AGAP1: variants seen among roughly 807,000 people sequenced by gnomAD.
The protein encoded by AGAP1 is arf-GAP with GTPase, ANK repeat and PH domain-containing protein 1.
AGAP1 carries 29 observed loss-of-function variants against 105.3 expected under a neutral mutation model. The observed-to-expected ratio is 0.28, with a 90% CI of 0.21 to 0.38. The LOEUF is 0.38. AGAP1 is among the 10% of genes least tolerant of loss of function. AGAP1 has a pLI of 1.00. For synonymous variants in AGAP1, 509 were observed against 485.9 expected (o/e 1.05, Z -0.63); for missense variants, 998 against 1,165.1 (o/e 0.86, Z 2.09).
chr2:235,621,881 C>T lies in AGAP1; in HGVS notation c.164-87298C>T, dbSNP rs1001973735. 2.7e-5 allele frequency among the ~76,000 whole-genome samples: 4 copies of T among 148,284 alleles called. No homozygotes were observed. Among genetic ancestry groups the T allele is most frequent in the African/African-American group, 7.3e-5 (3 of 40,966 alleles). On this transcript the variant is annotated intron_variant, in intron 1 of 17. Transcript: ENST00000304032. The surrounding 1 kb of genome is among the most constrained non-coding windows in gnomAD (Gnocchi z 4.1). ...GGTAGGAGTGGAGGAGGGGTGCGAT[C>T]GGAAGGGAGTGCCGCGCAGACCCCC...
Position 235,843,986 on chromosome 2 carries a change from C to T in AGAP1, c.1050+36655C>T. On this transcript the variant is annotated intron_variant, in intron 9 of 17. Coordinates refer to ENST00000304032, the MANE Select transcript of AGAP1 (RefSeq NM_001037131.3). This position sits in a 1 kb window ranked among gnomAD's most constrained non-coding sequence, Gnocchi z 5.9. ...CAGGACCTTGCCCGCTGCCCCAGCT[C>T]AGAGCTTGAACCTCTCCCTCTTGGA... Among the ~76,000 whole-genome samples the T allele has an allele frequency of 6.6e-6, 1 of 152,202 alleles. No homozygotes were observed. The highest frequency in any genetic ancestry group is 1.5e-5 in the Non-Finnish European group (1 of 68,042).
At chr2:235,810,504 G>A (rs1958077296) in intron 9 of AGAP1, among the ~76,000 whole-genome samples, 1 of 152,160 alleles carries the variant, frequency 6.6e-6, no homozygotes. Flanking sequence ...TTAGGATCCA[G>A]GCAAGGCAGC....
At chr2:235,943,096 T>A (rs900157081) in intron 12 of AGAP1, among the ~76,000 whole-genome samples, 1 of 152,248 alleles carries the variant, frequency 6.6e-6, no homozygotes, top group Non-Finnish European at 1.5e-5. Flanking sequence ...GATTTTATAA[T>A]GTACATTTTG....
At position 235,671,028 on chromosome 2, in the gene AGAP1, C is replaced by T. The variant is rs1375353113; in HGVS notation, c.164-38151C>T. 3.1e-6 allele frequency: 4 copies of T among 1,300,288 alleles called. No homozygotes were observed. The African/African-American group carries it at 6.2e-5, about 20-fold the overall frequency. 80.5% of individuals were successfully genotyped at this position (1,300,288 alleles called of 1,614,324 possible). A position where few individuals can be genotyped will look rare whatever the true frequency, so the allele number is the denominator to read the frequency against. The stretch of plus-strand genomic sequence containing the variant: ...CCGGCCGAAGCGCACTCGTCCAGCG[C>T]CGAGAGCATCGACGGCTCCCCGCGC... On this transcript the variant is annotated intron_variant, in intron 1 of 17. Coordinates refer to ENST00000304032, the MANE Select transcript of AGAP1 (RefSeq NM_001037131.3).
rs544737648 is a variant in AGAP1 at position 236,076,953 on chromosome 2, CA to C, written c.2114+27683del. Among the ~76,000 whole-genome samples, 114 of 137,008 alleles carry C rather than the reference CA, an allele frequency of 8.3e-4. No individual in the cohort carries two copies. The highest frequency in any genetic ancestry group is 3.6e-3 in the Middle Eastern group (1 of 276). The allele number at this position is 137,008 out of a possible 152,430, so 89.9% of individuals were successfully genotyped here. On this transcript the variant is annotated intron_variant, in intron 16 of 17. Transcript: ENST00000304032. The surrounding 1 kb of genome is among the most constrained non-coding windows in gnomAD (Gnocchi z 4.4). Reference sequence around the variant, plus strand: ...AAACCCTGTCACTACAGAAAATACCCAAAAAAAAAAAGCCAGGCATGGTGGT... The same window carrying C: ...AAACCCTGTCACTACAGAAAATACCCAAAAAAAAAAGCCAGGCATGGTGGT...
intron 6 of AGAP1, among the ~76,000 whole-genome samples, chr2:235,755,724 A>T (rs1953871960): frequency 1.3e-5 from 2 of 152,222 alleles, no homozygotes; most frequent in South Asian, 4.1e-4. Context: ...TGCAGGCATG[A>T]CACACTGCAC....
rs966348226 is a variant in AGAP1, at chr2:235,955,273, G to A, written c.1484-13189G>A. The stretch of plus-strand genomic sequence containing the variant: ...CTTCCTTCTTGTACCCTGGGTGCGG[G>A]CCATCCTGAGGAGCGGGGACCTCTC... On this transcript the variant is annotated intron_variant, in intron 12 of 17. Coordinates refer to ENST00000304032, the MANE Select transcript of AGAP1 (RefSeq NM_001037131.3). Among the ~76,000 whole-genome samples, 5 of 152,214 alleles carry A rather than the reference G, an allele frequency of 3.3e-5. No homozygotes were observed. The East Asian group carries it at 9.7e-4, about 29-fold the overall frequency.
At chr2:235,649,915 G>C (rs1196812622) in intron 1 of AGAP1, among the ~76,000 whole-genome samples, 3 of 152,194 alleles carry the variant, frequency 2.0e-5, no homozygotes, top group Non-Finnish European at 4.4e-5. Context: ...TTTTATACCA[G>C]AGTAGTGGCT....
rs906970613 is a variant in AGAP1 at position 235,665,753 on chromosome 2, A to C, written c.164-43426A>C. ...GGGGTGGGCATGCTCAGGCCTGGGC[A>C]GTACCAGTGGTTGGCCAGTTTCTAC... On this transcript the variant is annotated intron_variant, in intron 1 of 17. Coordinates refer to ENST00000304032, the MANE Select transcript of AGAP1 (RefSeq NM_001037131.3). The surrounding 1 kb of genome is among the most constrained non-coding windows in gnomAD (Gnocchi z 5.3). Among the ~76,000 whole-genome samples the C allele has an allele frequency of 6.6e-6, 1 of 152,172 alleles. No homozygotes were observed. Among genetic ancestry groups the C allele is most frequent in the Non-Finnish European group, 1.5e-5 (1 of 68,022 alleles).
At chr2:236,093,557 A>G (rs184965327) in intron 16 of AGAP1, among the ~76,000 whole-genome samples, 430 of 152,332 alleles carry the variant, frequency 2.8e-3, no homozygotes, top group Non-Finnish European at 4.3e-3. Context: ...AAGAAAGACC[A>G]AAAAGAAGAG....
intron 1 of AGAP1, among the ~76,000 whole-genome samples, chr2:235,587,916 G>C (rs1240077117): frequency 6.6e-6 from 1 of 152,042 alleles, no homozygotes; most frequent in African/African-American, 2.4e-5. Flanking sequence ...CGGAAGGGAA[G>C]TCATCTGGCA....
intron 1 of AGAP1, among the ~76,000 whole-genome samples, chr2:235,531,998 T>A (rs1230205548): frequency 6.6e-6 from 1 of 152,278 alleles, no homozygotes; most frequent in Admixed American, 6.5e-5. Context: ...GACACTTGTT[T>A]AAGTTTTAGA....
At chr2:236,081,668 GTT>G (rs35088277) in intron 16 of AGAP1, among the ~76,000 whole-genome samples, 14 of 135,140 alleles carry the variant, frequency 1.0e-4, no homozygotes, top group South Asian at 2.4e-4. Context: ...AGTTCTGTGG[GTT>G]TTTTTTTTTT....
chr2:235,649,912 C>G (rs1268358805), intron 1 of AGAP1, among the ~76,000 whole-genome samples: 1 of 152,144 alleles, frequency 6.6e-6, no homozygotes, highest in Non-Finnish European at 1.5e-5. Flanking sequence ...GCCTTTTATA[C>G]CAGAGTAGTG....
At chr2:236,099,461 A>AAAAAG (rs1265720620) in intron 16 of AGAP1, among the ~76,000 whole-genome samples, 1 of 151,698 alleles carries the variant, frequency 6.6e-6, no homozygotes, top group South Asian at 2.1e-4. Context: ...CCTCAAAAAA[A>AAAAAG]AAAAGAAAAG....
intron 10 of AGAP1, among the ~76,000 whole-genome samples, chr2:235,894,206 G>A (rs112437362): frequency 2.0e-5 from 3 of 152,324 alleles, no homozygotes; most frequent in African/African-American, 4.8e-5. Flanking sequence ...GAACCGCAAC[G>A]GGTATTTCTG....
rs2055086560 is a variant in AGAP1, at chr2:235,981,351, T to C, written c.1645+12728T>C. 6.6e-6 allele frequency among the ~76,000 whole-genome samples: 1 copy of C among 152,120 alleles called. No individual in the cohort carries two copies. Among genetic ancestry groups the C allele is most frequent in the East Asian group, 1.9e-4 (1 of 5,178 alleles). Reference sequence around the variant, plus strand: ...CTTCAGGTAGGAATGATTTTCCCCTTCAGTTGGTTTTCTGCAGAAGCCATG... The same window carrying C: ...CTTCAGGTAGGAATGATTTTCCCCTCCAGTTGGTTTTCTGCAGAAGCCATG... On this transcript the variant is annotated intron_variant, in intron 13 of 17. Coordinates refer to ENST00000304032, the MANE Select transcript of AGAP1 (RefSeq NM_001037131.3). The surrounding 1 kb of genome is among the most constrained non-coding windows in gnomAD (Gnocchi z 5.5).
chr2:235,540,536 G>C (rs986073724), intron 1 of AGAP1, among the ~76,000 whole-genome samples: 4 of 152,230 alleles, frequency 2.6e-5, no homozygotes, highest in African/African-American at 9.6e-5. Context: ...GGTTATCAGA[G>C]ATGCAAAATA....
chr2:235,869,460 G>A (rs866113616), intron 9 of AGAP1, among the ~76,000 whole-genome samples: 1 of 141,912 alleles, frequency 7.0e-6, no homozygotes, highest in Middle Eastern at 3.7e-3. Flanking sequence ...AATTAGCCGG[G>A]CGTGACGGCA....
Sources: gnomAD v4.1 joint callset for allele counts (sites outside exome capture counted in the v4.1 genomes callset) on GRCh38, gnomAD v4.1.1 for gene constraint, Gnocchi (gnomAD v3.1) non-coding constraint, MANE v1.5 for transcripts, NCBI Gene and HGNC (gene_info 2026-07-23, HGNC 2026-07-21) for gene names.